FRAS1: variants seen among roughly 807,000 people sequenced by gnomAD.
FRAS1 encodes the protein extracellular matrix organizing protein FRAS1.
A neutral mutation model predicts 435.2 loss-of-function variants in FRAS1; 290 were observed. That is an observed-to-expected ratio of 0.67 (90% CI 0.61 to 0.73). The LOEUF is 0.73. Ranked by LOEUF, FRAS1 falls within the 30% of genes least tolerant of loss-of-function variation. FRAS1 has a pLI of 0.00. For synonymous variants in FRAS1, 1,800 were observed against 1,851.0 expected, an observed-to-expected ratio of 0.97 and a Z score of 0.71; for missense variants, 4,860 against 5,001.5, an observed-to-expected ratio of 0.97 and a Z score of 0.85.
intron 2 of FRAS1, among the ~76,000 whole-genome samples, chr4:78,140,958 A>G (rs557521593): frequency 1.3e-5 from 2 of 152,276 alleles, no homozygotes; most frequent in East Asian, 3.9e-4. Context: ...AGTCAGAACC[A>G]ATGATAAAAG....
At chr4:78,422,218 A>G (rs188743444) in intron 34 of FRAS1, among the ~76,000 whole-genome samples, 4 of 151,702 alleles carry the variant, frequency 2.6e-5, no homozygotes, top group Admixed American at 2.6e-4. Context: ...CTTTCAGTAA[A>G]TCTTTATTTT....
chr4:78,497,112 T>C lies in FRAS1; in HGVS notation c.9115+151T>C, dbSNP rs538432246. Among the ~76,000 whole-genome samples, 48 of 152,354 alleles carry C rather than the reference T, an allele frequency of 3.2e-4. 1 individual carries two copies. Among genetic ancestry groups the C allele is most frequent in the Non-Finnish European group, 4.9e-4 (33 of 68,030 alleles). ...ATTTATATAAAATGTTGGTGGCAAATGATCTCCCTCTACAGAGATCCAAAA... is the reference window on the plus strand; with the variant it reads ...ATTTATATAAAATGTTGGTGGCAAACGATCTCCCTCTACAGAGATCCAAAA... On this transcript the variant is annotated intron_variant, in intron 60 of 73. Coordinates refer to ENST00000512123, the MANE Select transcript of FRAS1 (RefSeq NM_025074.7).
intron 69 of FRAS1, among the ~76,000 whole-genome samples, chr4:78,523,527 G>A (rs1721451097): frequency 6.6e-6 from 1 of 152,080 alleles, no homozygotes; most frequent in African/African-American, 2.4e-5. Flanking sequence ...AGGATAAGTG[G>A]GCAACCAGGA....
At chr4:78,114,526 T>TC (rs143721703) in intron 2 of FRAS1, among the ~76,000 whole-genome samples, 42,417 of 151,750 alleles carry the variant, frequency 0.28, 6,256 homozygotes, top group African/African-American at 0.35. Context: ...TTTGTAGTTC[T>TC]CTTGAAGAGG....
intron 63 of FRAS1, among the ~76,000 whole-genome samples, chr4:78,510,936 T>C (rs1355950109): frequency 6.6e-6 from 1 of 152,206 alleles, no homozygotes; most frequent in Non-Finnish European, 1.5e-5. Context: ...CCAGTCTTGC[T>C]AGAAGCCTGA....
At position 78,536,987 on chromosome 4, in the gene FRAS1, C is replaced by T. The variant is rs759618445; in HGVS notation, c.11093-8C>T. On this transcript the variant is annotated splice_polypyrimidine_tract_variant and splice_region_variant and intron_variant, in intron 71 of 73. Coordinates refer to ENST00000512123, the MANE Select transcript of FRAS1 (RefSeq NM_025074.7). ...TCTGACCTAATTAATACCTTTCAATCTTTTCAGGTCAAATCCTTTATGGCC... is the reference window on the plus strand; with the variant it reads ...TCTGACCTAATTAATACCTTTCAATTTTTTCAGGTCAAATCCTTTATGGCC... 2.4e-5 allele frequency: 39 copies of T among 1,611,116 alleles called. No homozygotes were observed. The highest frequency in any genetic ancestry group is 3.1e-5 in the Non-Finnish European group (37 of 1,177,728).
intron 2 of FRAS1, among the ~76,000 whole-genome samples, chr4:78,194,615 A>G (rs895004959): frequency 2.6e-5 from 4 of 151,904 alleles, no homozygotes; most frequent in African/African-American, 9.7e-5. Flanking sequence ...TTTGGTTTTC[A>G]GCTCCATCAG....
At chr4:78,288,108 A>G (rs1356043460) in intron 14 of FRAS1, among the ~76,000 whole-genome samples, 1 of 152,228 alleles carries the variant, frequency 6.6e-6, no homozygotes, top group Non-Finnish European at 1.5e-5. Context: ...GCCATAAAAC[A>G]GAAAAGAACC....
chr4:78,340,840 C>T (rs1730371046), intron 20 of FRAS1, among the ~76,000 whole-genome samples: 1 of 152,174 alleles, frequency 6.6e-6, no homozygotes, highest in Admixed American at 6.5e-5. Flanking sequence ...ATGTCCTAAT[C>T]TTCTCTTCTT....
At chr4:78,331,406 G>A (rs1729945336) in intron 18 of FRAS1, among the ~76,000 whole-genome samples, 1 of 152,186 alleles carries the variant, frequency 6.6e-6, no homozygotes, top group African/African-American at 2.4e-5. Context: ...CAGGGTGCTA[G>A]GGGTGGGGTC....
chr4:78,277,466 C>A (rs996198195), intron 9 of FRAS1, among the ~76,000 whole-genome samples: 2 of 152,126 alleles, frequency 1.3e-5, no homozygotes, highest in Non-Finnish European at 2.9e-5. Context: ...CCGCCCCCCC[C>A]ATTCTTTAGA....
chr4:78,114,401 A>T (rs569129015), intron 2 of FRAS1, among the ~76,000 whole-genome samples: 1 of 152,258 alleles, frequency 6.6e-6, no homozygotes, highest in East Asian at 1.9e-4. Flanking sequence ...ATGGCTTTGA[A>T]TCTATAAATT....
At position 78,429,356 on chromosome 4, in the gene FRAS1, A is replaced by G. The variant is rs1253186429; in HGVS notation, c.4843+130A>G. 6.0e-6 allele frequency: 7 copies of G among 1,165,410 alleles called. No individual in the cohort carries two copies. The Admixed American group carries it at 1.1e-4, about 18-fold the overall frequency. 72.2% of individuals were successfully genotyped at this position (1,165,410 alleles called of 1,614,324 possible). A position where few individuals can be genotyped will look rare whatever the true frequency, so the allele number is the denominator to read the frequency against. ...AGAAGTTGCCTGCATTCTCACCTGT[A>G]TCCTTCCTCCTGCCCATTTCTATGC... On this transcript the variant is annotated intron_variant, in intron 36 of 73. Coordinates refer to ENST00000512123, the MANE Select transcript of FRAS1 (RefSeq NM_025074.7).
chr4:78,256,352 G>C (rs991384428), intron 6 of FRAS1, among the ~76,000 whole-genome samples: 1 of 152,216 alleles, frequency 6.6e-6, no homozygotes, highest in Admixed American at 6.5e-5. Flanking sequence ...AGATGAGCTT[G>C]TTCATAGAGT....
chr4:78,282,531 A>G (rs1252178619), intron 11 of FRAS1, among the ~76,000 whole-genome samples: 1 of 152,222 alleles, frequency 6.6e-6, no homozygotes, highest in Non-Finnish European at 1.5e-5. Context: ...TGCCTTTTAC[A>G]TATTCTGTTA....
At chr4:78,439,804 T>A (rs1734582124) in intron 40 of FRAS1, among the ~76,000 whole-genome samples, 1 of 152,084 alleles carries the variant, frequency 6.6e-6, no homozygotes, top group Non-Finnish European at 1.5e-5. Context: ...CTCTTGTCTT[T>A]AAAATATTAT....
At chr4:78,273,493 T>C (rs1206270651) in intron 9 of FRAS1, among the ~76,000 whole-genome samples, 2 of 152,228 alleles carry the variant, frequency 1.3e-5, no homozygotes, top group Non-Finnish European at 2.9e-5. Context: ...ATACCATCAA[T>C]ACCTAATTTA....
Position 78,482,449 on chromosome 4 carries a change from T to G in FRAS1, c.8666T>G (p.Phe2889Cys). The G allele has an allele frequency of 6.2e-7, 1 of 1,613,970 alleles. No individual in the cohort carries two copies. Among genetic ancestry groups the G allele is most frequent in the Non-Finnish European group, 8.5e-7 (1 of 1,179,858 alleles). ...QYPVIEGLET[F>C]VVFLSSAQGA... Reference sequence around the variant, plus strand: ...CCGGTAATTGAAGGACTGGAGACATTTGTGGTTTTCCTCAGCTCAGCACAA... The same window carrying G: ...CCGGTAATTGAAGGACTGGAGACATGTGTGGTTTTCCTCAGCTCAGCACAA... The change falls in exon 58 of 74, where the codon TTT becomes TGT. Residue 2889 changes from phenylalanine (F) to cysteine (C), a missense_variant. By Grantham distance (205) the Phe-to-Cys change is radical. Transcript: ENST00000512123.
Position 78,432,542 on chromosome 4 carries a change from C to A in FRAS1, c.5155C>A (p.Leu1719Met). The A allele has an allele frequency of 6.2e-7, 1 of 1,611,924 alleles. No individual in the cohort carries two copies. The highest frequency in any genetic ancestry group is 1.1e-5 in the South Asian group (1 of 90,676). ...RGPRLAAGSSLSITVASKSTA... is the reference protein window; with the variant it reads ...RGPRLAAGSSMSITVASKSTA... Reference sequence around the variant, plus strand: ...GCCTCGACTGGCTGCTGGCTCCTCTCTGAGCATTACTGTTGCCAGTAAAAG... The same window carrying A: ...GCCTCGACTGGCTGCTGGCTCCTCTATGAGCATTACTGTTGCCAGTAAAAG... The change falls in exon 38 of 74, where the codon CTG (leucine) becomes ATG (methionine). Residue 1719 changes from leucine to methionine, a missense_variant. Transcript: ENST00000512123.
Sources: allele counts gnomAD v4.1 joint callset (sites outside exome capture counted in the v4.1 genomes callset), GRCh38; gene constraint gnomAD v4.1.1; transcripts MANE v1.5; gene names NCBI Gene and HGNC (gene_info 2026-07-23, HGNC 2026-07-21).